DPP8: variants seen among roughly 807,000 people sequenced by gnomAD.
The protein encoded by DPP8 is DPP VIII.
A neutral mutation model predicts 107.5 loss-of-function variants in DPP8; 31 were observed. The observed-to-expected ratio is 0.29, with a 90% confidence interval of 0.22 to 0.39. The LOEUF is 0.39. Among genes scored for constraint, DPP8 ranks in the 10% least tolerant of loss-of-function variants. The pLI, the probability that DPP8 is intolerant of heterozygous loss-of-function variation, is 1.00. For missense variants in DPP8, 842 were observed against 1,076.1 expected (o/e 0.78, Z 3.04); for synonymous variants, 381 against 356.6 (o/e 1.07, Z -0.77).
chr15:65,488,622 A>C (rs895227378), intron 6 of DPP8, among the ~76,000 whole-genome samples: 1 of 151,156 alleles, frequency 6.6e-6, no homozygotes, highest in Non-Finnish European at 1.5e-5. Context: ...AAAAAAAAAA[A>C]AAAAAACCCA....
intron 19 of DPP8, among the ~76,000 whole-genome samples, chr15:65,449,753 C>G (rs1345637740): frequency 6.6e-6 from 1 of 152,128 alleles, no homozygotes; most frequent in Non-Finnish European, 1.5e-5. Flanking sequence ...CTTTTCTTCA[C>G]ATACTTTAGT....
chr15:65,479,074 T>G (rs1567205464), intron 10 of DPP8, 35 bp from the exon 11 acceptor site: 1 of 1,423,856 alleles, frequency 7.0e-7, no homozygotes, highest in Non-Finnish European at 9.5e-7. Flanking sequence ...CTATACATAT[T>G]ATGAAAATAC....
chr15:65,498,300 T>C lies in DPP8; in HGVS notation c.547-268A>G, dbSNP rs148507398. 7.6e-3 allele frequency among the ~76,000 whole-genome samples: 1,150 copies of C among 152,122 alleles called. 14 individuals carry two copies. Among genetic ancestry groups the C allele is most frequent in the African/African-American group, 0.026 (1,098 of 41,504 alleles). ...AGCTGGGCATAGTGGTGGGCACCTG[T>C]AGTCCCAACTACTTGGGAGGCTGAG... On this transcript the variant is annotated intron_variant, in intron 4 of 19. Transcript: ENST00000300141.
At chr15:65,459,941 C>A (rs918847620) in intron 15 of DPP8, among the ~76,000 whole-genome samples, 2 of 150,858 alleles carry the variant, frequency 1.3e-5, no homozygotes, top group African/African-American at 4.9e-5. Flanking sequence ...GGCAACACAG[C>A]GAGACTCCAT....
chr15:65,514,904 G>T (rs761748828), intron 1 of DPP8, among the ~76,000 whole-genome samples: 1 of 152,200 alleles, frequency 6.6e-6, no homozygotes, highest in African/African-American at 2.4e-5. Flanking sequence ...CTTGTGTTAC[G>T]TTTGGAAGTT....
chr15:65,512,073 T>C (rs944913807), intron 2 of DPP8: 7 of 682,024 alleles, frequency 1.0e-5, no homozygotes, highest in Admixed American at 2.0e-5. Context: ...ATCTTCGATT[T>C]TGAAAAACGA....
chr15:65,484,541 G>A (rs1311571875), intron 8 of DPP8, among the ~76,000 whole-genome samples: 2 of 151,208 alleles, frequency 1.3e-5, no homozygotes, highest in African/African-American at 4.9e-5. Flanking sequence ...CAGTAAAGCT[G>A]TTTTTAAAAA....
intron 12 of DPP8, among the ~76,000 whole-genome samples, chr15:65,468,286 G>A (rs1294033917): frequency 6.6e-6 from 1 of 152,102 alleles, no homozygotes; most frequent in African/African-American, 2.4e-5. Flanking sequence ...TTTGAGCTTA[G>A]GAGTTTGAGA....
At chr15:65,470,642 G>A (rs1050124442) in intron 12 of DPP8, among the ~76,000 whole-genome samples, 1 of 150,930 alleles carries the variant, frequency 6.6e-6, no homozygotes, top group Admixed American at 6.6e-5. Context: ...GAAAAGGCCA[G>A]GTGTGGTGGC....
At position 65,456,352 on chromosome 15, in the gene DPP8, C is replaced by A; in HGVS notation, c.1991G>T (p.Arg664Leu). 1 of 1,612,528 alleles carries A rather than the reference C, an allele frequency of 6.2e-7. No individual in the cohort carries two copies. Among genetic ancestry groups the A allele is most frequent in the East Asian group, 2.2e-5 (1 of 44,808 alleles). The change falls in exon 16 of 20, where the codon CGG (arginine) becomes CTG (leucine). Residue 664 changes from arginine to leucine, a missense_variant. By Grantham distance (102) the Arg-to-Leu change is moderately radical. Transcript: ENST00000300141. Reference protein sequence around the residue: ...GGPQVQLVNNRFKGVKYFRLN... With the variant: ...GGPQVQLVNNLFKGVKYFRLN... ...GCGGAAATACTTGACTCCTTTAAAC[C>A]GATTATTCACCAACTGCACCTGAGG...
intron 14 of DPP8, among the ~76,000 whole-genome samples, chr15:65,465,886 T>C (rs1301254298): frequency 1.3e-5 from 2 of 152,162 alleles, no homozygotes; most frequent in Non-Finnish European, 2.9e-5. Flanking sequence ...AGAAATCAAA[T>C]ATTTTAAACA....
rs2064021548 is a variant in DPP8 at position 65,452,080 on chromosome 15, ACTGGG to A, written c.2289_2293del (p.Pro764HisfsTer7). The stretch of plus-strand genomic sequence containing the variant: ...TGTATCATAGAAGATCCACAGAGTG[ACTGGG>A]GCCCCAGCAATAGCAACCTGCATAA... On this transcript the variant is annotated frameshift_variant, in exon 18 of 20. Transcript: ENST00000300141. LOFTEE classifies it high-confidence loss of function. 1 of 1,606,962 alleles carries A rather than the reference ACTGGG, an allele frequency of 6.2e-7. No individual in the cohort carries two copies. Among genetic ancestry groups the A allele is most frequent in the Non-Finnish European group, 8.5e-7 (1 of 1,177,612 alleles).
chr15:65,514,284 C>G (rs778296897), intron 1 of DPP8, among the ~76,000 whole-genome samples: 1 of 152,146 alleles, frequency 6.6e-6, no homozygotes, highest in Non-Finnish European at 1.5e-5. Flanking sequence ...ATGCTTGTAT[C>G]ATTGTAACAA....
chr15:65,446,934 A>T lies in DPP8; in HGVS notation c.2599T>A (p.Tyr867Asn). The T allele has an allele frequency of 3.1e-6, 5 of 1,613,174 alleles. No individual in the cohort carries two copies. Among genetic ancestry groups the T allele is most frequent in the Non-Finnish European group, 4.2e-6 (5 of 1,179,404 alleles). Reference sequence around the variant, plus strand: ...CGTGATCCAAGGTTTTCTTGAAGGTAGTGCAAAAGATGCAGTTCATAATGT... The same window carrying T: ...CGTGATCCAAGGTTTTCTTGAAGGTTGTGCAAAAGATGCAGTTCATAATGT... The part of the protein sequence containing the change: ...GEHYELHLLH[Y>N]LQENLGSRIA... Residue 867 changes from tyrosine (Y) to asparagine (N), a missense_variant, in exon 20 of 20, where the codon TAC becomes AAC. Tyr to Asn is a moderately radical substitution (Grantham distance 143). Coordinates refer to ENST00000300141, the MANE Select transcript of DPP8 (RefSeq NM_130434.5).
At chr15:65,505,306 G>A (rs1432383302) in intron 3 of DPP8, among the ~76,000 whole-genome samples, 3 of 151,132 alleles carry the variant, frequency 2.0e-5, no homozygotes, top group African/African-American at 4.9e-5. Flanking sequence ...AGTGAGCTGA[G>A]ATGGCACCAC....
intron 7 of DPP8, among the ~76,000 whole-genome samples, chr15:65,485,958 G>A (rs1223819596): frequency 6.6e-6 from 1 of 151,572 alleles, no homozygotes. Context: ...GCCAGGTGTG[G>A]TGGCACACGC....
At chr15:65,482,961 T>C (rs1288282149) in intron 8 of DPP8, among the ~76,000 whole-genome samples, 2 of 151,712 alleles carry the variant, frequency 1.3e-5, no homozygotes, top group Non-Finnish European at 2.9e-5. Flanking sequence ...GCCGGGCATC[T>C]TGGCGGGCAC....
intron 12 of DPP8, among the ~76,000 whole-genome samples, chr15:65,469,297 T>C (rs2065640515): frequency 6.6e-6 from 1 of 151,598 alleles, no homozygotes; most frequent in Non-Finnish European, 1.5e-5. Flanking sequence ...TTCTAACAAG[T>C]TCCCAGGTGA....
At position 65,466,794 on chromosome 15, in the gene DPP8, C is replaced by T. The variant is rs770278670; in HGVS notation, c.1709G>A (p.Ser570Asn). ...TGGATTCTTCTGGTTACTATACTTA[C>T]TTATAAAGAAGTCACAGTGCTAGAG... is the stretch of plus-strand genomic sequence containing the variant. ...CISQHCDFFISKYSNQKNPHC... is the reference protein window; with the variant it reads ...CISQHCDFFINKYSNQKNPHC... The change falls in exon 14 of 20, where the codon AGT (serine) becomes AAT (asparagine). Residue 570 changes from serine (S) to asparagine (N), a missense_variant. This residue lies in a region of DPP8 where 663 missense variants were observed against 758.0 expected (regional missense o/e 0.87). Transcript: ENST00000300141. 4 of 1,613,474 alleles carry T rather than the reference C, an allele frequency of 2.5e-6. No individual in the cohort carries two copies. The East Asian group carries it at 8.9e-5, about 36-fold the overall frequency.
Sources: gnomAD v4.1 joint callset for allele counts (sites outside exome capture counted in the v4.1 genomes callset) on GRCh38, gnomAD v4.1.1 for gene constraint, gnomAD v4.1.1 regional missense constraint, MANE v1.5 for transcripts, NCBI Gene and HGNC (gene_info 2026-07-23, HGNC 2026-07-21) for gene names.